CAMKMT: variants seen among roughly 807,000 people sequenced by gnomAD.
CAMKMT encodes calmodulin-lysine N-methyltransferase.
A neutral mutation model predicts 48.0 loss-of-function variants in CAMKMT; 53 were observed. That is an observed-to-expected ratio of 1.10 (90% CI 0.89 to 1.39). The LOEUF (loss-of-function observed/expected upper bound fraction) is 1.39, where lower values mean the gene tolerates loss of function less well. Ranked by LOEUF, CAMKMT falls within the 40% of genes most tolerant of loss-of-function variation. CAMKMT has a pLI of 0.00. For synonymous variants in CAMKMT, 165 were observed against 152.3 expected (o/e 1.08, Z -0.61); for missense variants, 428 against 402.7 (o/e 1.06, Z -0.54).
chr2:44,520,355 G>A (rs1398969317), intron 3 of CAMKMT, among the ~76,000 whole-genome samples: 2 of 151,948 alleles, frequency 1.3e-5, no homozygotes, highest in African/African-American at 4.8e-5. Flanking sequence ...TCAGCCTCCC[G>A]ATCCGCCTGC....
At position 44,700,717 on chromosome 2, in the gene CAMKMT, T is replaced by C. The variant is rs1850320; in HGVS notation, c.377-3566T>C. Reference sequence around the variant, plus strand: ...AAAGGTCATTGATCACAGATCACCATATCAGATATAATAATAATGAAAAAT... The same window carrying C: ...AAAGGTCATTGATCACAGATCACCACATCAGATATAATAATAATGAAAAAT... On this transcript the variant is annotated intron_variant, in intron 3 of 10. Transcript: ENST00000378494. 7.2e-3 allele frequency among the ~76,000 whole-genome samples: 1,093 copies of C among 152,272 alleles called. 15 individuals are homozygous for C. Among genetic ancestry groups the C allele is most frequent in the African/African-American group, 0.025 (1,042 of 41,562 alleles).
intron 3 of CAMKMT, among the ~76,000 whole-genome samples, chr2:44,475,378 C>T (rs1457033549): frequency 2.0e-5 from 3 of 150,158 alleles, no homozygotes; most frequent in South Asian, 2.1e-4. Context: ...AGTGCAGTGG[C>T]GTCATCTTGG....
In CAMKMT at chr2:44,715,416, G is replaced by T. The variant is rs909921934; in HGVS notation, c.623+63G>T. On this transcript the variant is annotated intron_variant, in intron 7 of 10. Transcript: ENST00000378494. Reference sequence around the variant, plus strand: ...ATTGCTTTTCTTGATACTATGGATGGTTATTAAAAATAATAATAGCTAACA... The same window carrying T: ...ATTGCTTTTCTTGATACTATGGATGTTTATTAAAAATAATAATAGCTAACA... 9.2e-6 allele frequency: 11 copies of T among 1,200,400 alleles called. No homozygotes were observed. In the Admixed American group the frequency reaches 9.3e-5, roughly 10 times the overall value. The allele number at this position is 1,200,400 out of a possible 1,614,324, so 74.4% of individuals were successfully genotyped here.
At chr2:44,771,317 T>G in intron 10 of CAMKMT, among the ~76,000 whole-genome samples, 1 of 152,310 alleles carries the variant, frequency 6.6e-6, no homozygotes, top group South Asian at 2.1e-4. Flanking sequence ...AAATAGCAAA[T>G]TTTTATTTGC....
intron 3 of CAMKMT, among the ~76,000 whole-genome samples, chr2:44,463,434 T>C (rs1667948198): frequency 1.3e-5 from 2 of 152,168 alleles, no homozygotes; most frequent in African/African-American, 2.4e-5. Context: ...TAGCTCATAA[T>C]AGGGAGGAAA....
chr2:44,413,093 ATAAAT>A (rs1429597836), intron 3 of CAMKMT, among the ~76,000 whole-genome samples: 5 of 151,576 alleles, frequency 3.3e-5, no homozygotes, highest in Admixed American at 2.6e-4. Flanking sequence ...ATAAAATAAA[ATAAAT>A]TAAATAAATA....
At chr2:44,403,699 C>G (rs923603814) in intron 3 of CAMKMT, among the ~76,000 whole-genome samples, 1 of 152,090 alleles carries the variant, frequency 6.6e-6, no homozygotes, top group African/African-American at 2.4e-5. Flanking sequence ...CCATCTTTAA[C>G]GCATACACAC....
intron 3 of CAMKMT, among the ~76,000 whole-genome samples, chr2:44,519,558 T>A (rs1168228572): frequency 2.6e-5 from 4 of 152,220 alleles, no homozygotes; most frequent in Non-Finnish European, 4.4e-5. Flanking sequence ...GATAATTTCA[T>A]AAAGATAATT....
chr2:44,680,743 T>G (rs1419227598), intron 3 of CAMKMT, among the ~76,000 whole-genome samples: 4 of 152,336 alleles, frequency 2.6e-5, no homozygotes, highest in Middle Eastern at 3.4e-3. Flanking sequence ...ATAATGGTTC[T>G]GATTGCTGTT....
At chr2:44,395,429 C>T (rs537985175) in intron 3 of CAMKMT, among the ~76,000 whole-genome samples, 7 of 151,990 alleles carry the variant, frequency 4.6e-5, no homozygotes, top group African/African-American at 1.7e-4. Context: ...TACATGTATG[C>T]ATTGTATATC....
intron 2 of CAMKMT, among the ~76,000 whole-genome samples, chr2:44,388,368 T>C (rs1680980800): frequency 6.6e-6 from 1 of 152,202 alleles, no homozygotes; most frequent in African/African-American, 2.4e-5. Context: ...CTGTTTTTTC[T>C]TAATGCTATC....
At chr2:44,623,768 T>C (rs1672325589) in intron 3 of CAMKMT, among the ~76,000 whole-genome samples, 1 of 152,216 alleles carries the variant, frequency 6.6e-6, no homozygotes, top group Admixed American at 6.5e-5. Flanking sequence ...GCTGTATTAC[T>C]CTGAAAATTC....
chr2:44,629,439 T>C (rs1196830952), intron 3 of CAMKMT, among the ~76,000 whole-genome samples: 15 of 146,674 alleles, frequency 1.0e-4, no homozygotes, highest in African/African-American at 5.0e-5. Context: ...CTTTCTTTTT[T>C]TTTTTTTTTT....
chr2:44,466,219 AAC>A (rs1558636621), intron 3 of CAMKMT, among the ~76,000 whole-genome samples: 1 of 152,224 alleles, frequency 6.6e-6, no homozygotes, highest in Non-Finnish European at 1.5e-5. Flanking sequence ...ACAACAGCAT[AAC>A]ACACATTTTT....
intron 3 of CAMKMT, among the ~76,000 whole-genome samples, chr2:44,412,878 C>A (rs1683304896): frequency 1.3e-5 from 2 of 151,392 alleles, no homozygotes; most frequent in African/African-American, 4.8e-5. Context: ...GAGTTTGAGA[C>A]CAGCTTGACC....
In CAMKMT at chr2:44,636,560, T is replaced by A. The variant is rs558859618; in HGVS notation, c.377-67723T>A. 2.0e-5 allele frequency among the ~76,000 whole-genome samples: 3 copies of A among 152,292 alleles called. No individual in the cohort carries two copies. In the South Asian group the frequency reaches 6.2e-4, roughly 32 times the overall value. ...TGAAAGAAAGATGGTTTGCAAGAAG[T>A]CAGTGTGCCCCAAATTCATCTTCCT... On this transcript the variant is annotated intron_variant, in intron 3 of 10. Transcript: ENST00000378494.
At chr2:44,619,074 A>G (rs58638711) in intron 3 of CAMKMT, among the ~76,000 whole-genome samples, 5,490 of 152,246 alleles carry the variant, frequency 0.036, 275 homozygotes, top group African/African-American at 0.11. Flanking sequence ...CATGGAAGGG[A>G]TATAAACAGA....
chr2:44,373,788 G>T (rs965546239), intron 2 of CAMKMT, among the ~76,000 whole-genome samples: 40 of 152,020 alleles, frequency 2.6e-4, no homozygotes, highest in Non-Finnish European at 1.5e-5. Context: ...ACTAGGTTGG[G>T]CAGGAAAGAA....
chr2:44,542,462 T>C (rs1256071050), intron 3 of CAMKMT, among the ~76,000 whole-genome samples: 2 of 150,498 alleles, frequency 1.3e-5, no homozygotes, highest in African/African-American at 4.9e-5. Flanking sequence ...TCAAGTTGCT[T>C]AGAGTCTAAC....
Sources: allele counts gnomAD v4.1 joint callset (sites outside exome capture counted in the v4.1 genomes callset), GRCh38; gene constraint gnomAD v4.1.1; transcripts MANE v1.5; gene names NCBI Gene and HGNC (gene_info 2026-07-23, HGNC 2026-07-21).